The following FSIP2 variants were observed in gnomAD, a reference collection of about 807,000 sequenced individuals.
FSIP2 encodes the protein fibrous sheath-interacting protein 2.
A neutral mutation model predicts 510.5 loss-of-function variants in FSIP2; 367 were observed. The observed-to-expected ratio is 0.72, with a 90% CI of 0.66 to 0.78. The LOEUF is 0.78. Ranked by LOEUF, FSIP2 falls within the 30% of genes least tolerant of loss-of-function variation. The pLI, the probability that FSIP2 is intolerant of heterozygous loss-of-function variation, is 0.00. For missense variants in FSIP2, 7,594 were observed against 7,901.7 expected (o/e 0.96, Z 1.48); for synonymous variants, 2,601 against 2,732.2 (o/e 0.95, Z 1.50).
chr2:185,803,675 C>T lies in FSIP2; in HGVS notation c.14369C>T (p.Ser4790Leu). ...TCAACAATGTATACCACTATGTTAT[C>T]ACATAGTCATTTGGAAAAAATAGTT... is the stretch of plus-strand genomic sequence containing the variant. Reference protein sequence around the residue: ...QASTMYTTMLSHSHLEKIVTQ... With the variant: ...QASTMYTTMLLHSHLEKIVTQ... Residue 4790 changes from serine to leucine, a missense_variant, in exon 17 of 23, where the codon TCA becomes TTA. Ser to Leu is a moderately radical substitution (Grantham distance 145). Coordinates refer to ENST00000424728, the MANE Select transcript of FSIP2 (RefSeq NM_173651.4). 6.6e-7 allele frequency: 1 copy of T among 1,525,708 alleles called. No homozygotes were observed. Among genetic ancestry groups the T allele is most frequent in the South Asian group, 1.2e-5 (1 of 83,682 alleles). The allele number at this position is 1,525,708 out of a possible 1,614,324, so 94.5% of individuals were successfully genotyped here. A position where few individuals can be genotyped will look rare whatever the true frequency, so the allele number is the denominator to read the frequency against.
intron 8 of FSIP2, 67 bp downstream of exon 8, chr2:185,753,909 G>T (rs766059210): frequency 2.7e-6 from 3 of 1,091,514 alleles, no homozygotes; most frequent in African/African-American, 1.6e-5. Flanking sequence ...AAAAATCCTT[G>T]TGTAATACTC....
rs777208181 is a variant in FSIP2, at chr2:185,805,900, C to T, written c.16594C>T (p.His5532Tyr). 2 of 1,606,512 alleles carry T rather than the reference C, an allele frequency of 1.2e-6. No individual in the cohort carries two copies. Among genetic ancestry groups the T allele is most frequent in the Admixed American group, 1.7e-5 (1 of 58,716 alleles). Residue 5532 changes from histidine to tyrosine, a missense_variant, in exon 17 of 23, where the codon CAT becomes TAT. Physicochemically the swap from His to Tyr is moderately conservative, Grantham distance 83. Coordinates refer to ENST00000424728, the MANE Select transcript of FSIP2 (RefSeq NM_173651.4). ...ENKVGICTQK[H>Y]SENVSKVTST... ...TAAAGTGGGAATTTGTACTCAAAAA[C>T]ATAGTGAGAATGTATCAAAAGTTAC... is the stretch of plus-strand genomic sequence containing the variant.
chr2:185,801,439 A>G lies in FSIP2; in HGVS notation c.12133A>G (p.Lys4045Glu), dbSNP rs1693432826. The G allele has an allele frequency of 2.6e-6, 4 of 1,533,882 alleles. No homozygotes were observed. The highest frequency in any genetic ancestry group is 1.4e-5 in the African/African-American group (1 of 72,888). Residue 4045 changes from lysine to glutamate, a missense_variant, in exon 17 of 23, where the codon AAA (lysine) becomes GAA (glutamate). Lys to Glu is a moderately conservative substitution (Grantham distance 56, BLOSUM62 1). Coordinates refer to ENST00000424728, the MANE Select transcript of FSIP2 (RefSeq NM_173651.4). ...FPPVHTETVS[K>E]IVDSVYYDVL... ...ACCAGTTCATACAGAAACTGTTAGC[A>G]AAATTGTTGACTCAGTTTATTATGA...
At chr2:185,750,090 G>C (rs1692112665) in intron 7 of FSIP2, among the ~76,000 whole-genome samples, 1 of 151,530 alleles carries the variant, frequency 6.6e-6, no homozygotes, top group South Asian at 2.1e-4. Context: ...TTAGAATTTT[G>C]CACTAGAGAT....
At chr2:185,787,108 T>G (rs776624794) in intron 15 of FSIP2, among the ~76,000 whole-genome samples, 1 of 151,840 alleles carries the variant, frequency 6.6e-6, no homozygotes, top group Non-Finnish European at 1.5e-5. Flanking sequence ...ATTTTGAATG[T>G]CTTAGTTTAT....
rs1048044551 is a variant in FSIP2, at chr2:185,815,983, T to C, written c.20426+512T>C. ...TACACAAGTGAAAGACAATCCAAGT[T>C]TGGATGACACTAGGGGCAAAGTATG... is the stretch of plus-strand genomic sequence containing the variant. On this transcript the variant is annotated intron_variant, in intron 19 of 22. Transcript: ENST00000424728. 3.9e-5 allele frequency among the ~76,000 whole-genome samples: 6 copies of C among 152,080 alleles called. No individual in the cohort carries two copies. In the East Asian group the frequency reaches 1.2e-3, roughly 30 times the overall value.
upstream of FSIP2, among the ~76,000 whole-genome samples, chr2:185,738,027 T>C (rs1394805775): frequency 6.6e-6 from 1 of 152,234 alleles, no homozygotes; most frequent in Non-Finnish European, 1.5e-5. Context: ...TGGTAACTGT[T>C]ATTACTAGTC....
In FSIP2 at chr2:185,804,368, T is replaced by A. The variant is rs897840543; in HGVS notation, c.15062T>A (p.Val5021Asp). The change falls in exon 17 of 23, where the codon GTT becomes GAT. Residue 5021 changes from valine (V) to aspartate (D), a missense_variant. Physicochemically the swap from Val to Asp is radical, Grantham distance 152. Transcript: ENST00000424728. ...LCFSERYKEMVQKIVNSVYGK... is the reference protein window; with the variant it reads ...LCFSERYKEMDQKIVNSVYGK... ...TTCTCAGAAAGATACAAAGAAATGG[T>A]TCAAAAAATAGTCAACTCAGTATAT... is the stretch of plus-strand genomic sequence containing the variant. 6.7e-6 allele frequency: 10 copies of A among 1,499,366 alleles called. No individual in the cohort carries two copies. In the Admixed American group the frequency reaches 1.6e-4, roughly 24 times the overall value. The allele number at this position is 1,499,366 out of a possible 1,614,324, so 92.9% of individuals were successfully genotyped here.
rs1248897202 is a variant in FSIP2 at position 185,790,329 on chromosome 2, G to C, written c.3193G>C (p.Asp1065His). The change falls in exon 16 of 23, where the codon GAT (aspartate) becomes CAT (histidine). Residue 1065 changes from aspartate to histidine, a missense_variant. Physicochemically the swap from Asp to His is moderately conservative, Grantham distance 81. Coordinates refer to ENST00000424728, the MANE Select transcript of FSIP2 (RefSeq NM_173651.4). ...PGSRSKAAFHDWELKTEPPST... is the reference protein window; with the variant it reads ...PGSRSKAAFHHWELKTEPPST... ...TTCTAGAAGCAAAGCTGCATTTCAT[G>C]ATTGGGAATTAAAGACTGAGCCACC... 1.3e-6 allele frequency: 2 copies of C among 1,533,546 alleles called. No homozygotes were observed. The highest frequency in any genetic ancestry group is 2.7e-5 in the African/African-American group (2 of 72,890). The allele number at this position is 1,533,546 out of a possible 1,614,324, so 95.0% of individuals were successfully genotyped here.
Position 185,792,607 on chromosome 2 carries a change from A to G in FSIP2, c.5471A>G (p.Gln1824Arg). ...GAGCCAACTCCCCAAACATCTGTTC[A>G]ATTTATGGATAAAATGATGGATCCT... is the stretch of plus-strand genomic sequence containing the variant. ...VDEPTPQTSV[Q>R]FMDKMMDPLL... Residue 1824 changes from glutamine (Q) to arginine (R), a missense_variant, in exon 16 of 23, where the codon CAA becomes CGA. Coordinates refer to ENST00000424728, the MANE Select transcript of FSIP2 (RefSeq NM_173651.4). The G allele has an allele frequency of 6.5e-7, 1 of 1,534,186 alleles. No individual in the cohort carries two copies. The highest frequency in any genetic ancestry group is 1.2e-5 in the South Asian group (1 of 84,028).
intron 13 of FSIP2, among the ~76,000 whole-genome samples, chr2:185,779,254 A>G (rs927935199): frequency 3.3e-5 from 5 of 150,834 alleles, no homozygotes; most frequent in South Asian, 2.1e-4. Flanking sequence ...ATTTTTATTT[A>G]TTCTTTATTG....
intron 8 of FSIP2, among the ~76,000 whole-genome samples, chr2:185,755,614 A>G (rs565367315): frequency 1.3e-5 from 2 of 151,710 alleles, no homozygotes; most frequent in South Asian, 2.1e-4. Flanking sequence ...CTAGTGGGAC[A>G]GAGAAAGTAA....
chr2:185,759,011 A>G (rs1347757324), intron 9 of FSIP2, among the ~76,000 whole-genome samples: 1 of 151,072 alleles, frequency 6.6e-6, no homozygotes, highest in Non-Finnish European at 1.5e-5. Context: ...GCTTGCTGCA[A>G]TTTTGTTGGG....
chr2:185,800,344 T>C lies in FSIP2; in HGVS notation c.11038T>C (p.Leu3680=), dbSNP rs1435858220. ...KNKLSYLACK[L]NSLVGNLKTS... is the part of the protein sequence containing the mutation. ...TAAGTTAAGTTATCTTGCATGTAAG[T>C]TAAACAGCCTGGTTGGTAACCTAAA... Residue 3680 remains leucine (L), a synonymous_variant, in exon 17 of 23, where the codon TTA becomes CTA. Transcript: ENST00000424728. The C allele has an allele frequency of 2.2e-5, 33 of 1,532,052 alleles. No homozygotes were observed. The highest frequency in any genetic ancestry group is 2.9e-5 in the Non-Finnish European group (33 of 1,145,000). The allele number at this position is 1,532,052 out of a possible 1,614,324, so 94.9% of individuals were successfully genotyped here.
chr2:185,805,745 C>A lies in FSIP2; in HGVS notation c.16439C>A (p.Thr5480Lys). ...AAGAAAAGTTTTAAAACCAAGGACA[C>A]ATCAGTGAAAAAAGGTGACATCCAA... ...NRKKSFKTKD[T>K]SVKKGDIQNP... The change falls in exon 17 of 23, where the codon ACA becomes AAA. Residue 5480 changes from threonine to lysine, a missense_variant. By Grantham distance (78) the Thr-to-Lys change is moderately conservative. Transcript: ENST00000424728. The A allele has an allele frequency of 6.2e-7, 1 of 1,600,972 alleles. No individual in the cohort carries two copies.
chr2:185,804,522 A>AT lies in FSIP2; in HGVS notation c.15218dup (p.Leu5073PhefsTer17). 6.6e-7 allele frequency: 1 copy of AT among 1,518,366 alleles called. No homozygotes were observed. The highest frequency in any genetic ancestry group is 8.8e-7 in the Non-Finnish European group (1 of 1,138,812). The allele number at this position is 1,518,366 out of a possible 1,614,324, so 94.1% of individuals were successfully genotyped here. ...AAATATATGATTATCAAGTGCAGTCATTAGTTTCAGGAGAATTAGAGTCTT... is the reference window on the plus strand; with the variant it reads ...AAATATATGATTATCAAGTGCAGTCATTTAGTTTCAGGAGAATTAGAGTCTT... On this transcript the variant is annotated frameshift_variant, in exon 17 of 23. Transcript: ENST00000424728. LOFTEE classifies it high-confidence loss of function.
chr2:185,759,041 C>T (rs1447725300), intron 9 of FSIP2, among the ~76,000 whole-genome samples: 2 of 151,014 alleles, frequency 1.3e-5, no homozygotes, highest in African/African-American at 2.4e-5. Flanking sequence ...TCATTTATTT[C>T]TCTCTGTCTA....
At chr2:185,758,090 T>G (rs745489798) in intron 9 of FSIP2, among the ~76,000 whole-genome samples, 1 of 151,288 alleles carries the variant, frequency 6.6e-6, no homozygotes, top group Non-Finnish European at 1.5e-5. Flanking sequence ...AATCATACAT[T>G]ATGTAACTTT....
At chr2:185,772,062 A>G (rs1178658397) in intron 13 of FSIP2, among the ~76,000 whole-genome samples, 1 of 152,202 alleles carries the variant, frequency 6.6e-6, no homozygotes, top group Non-Finnish European at 1.5e-5. Context: ...CTAAGGAATA[A>G]CAAGTGTGAC....
Sources: gnomAD v4.1 joint callset for allele counts (sites outside exome capture counted in the v4.1 genomes callset) on GRCh38, gnomAD v4.1.1 for gene constraint, MANE v1.5 for transcripts, NCBI Gene and HGNC (gene_info 2026-07-23, HGNC 2026-07-21) for gene names.